The following MAP3K5 variants were observed in gnomAD, a reference collection of about 807,000 sequenced individuals.
MAP3K5 encodes mitogen-activated protein kinase kinase kinase 5.
MAP3K5 carries 56 observed loss-of-function variants against 158.7 expected under a neutral mutation model. The observed-to-expected ratio is 0.35, with a 90% CI of 0.28 to 0.44. The LOEUF (loss-of-function observed/expected upper bound fraction) is 0.44, where lower values mean the gene tolerates loss of function less well. MAP3K5 is among the 20% of genes least tolerant of loss of function. The pLI is 1.00. For missense variants in MAP3K5, 1,294 were observed against 1,674.8 expected, an observed-to-expected ratio of 0.77 and a Z score of 3.97; for synonymous variants, 579 against 601.7, an observed-to-expected ratio of 0.96 and a Z score of 0.55.
At chr6:136,608,505 G>T (rs957162636) in intron 18 of MAP3K5, among the ~76,000 whole-genome samples, 3 of 152,148 alleles carry the variant, frequency 2.0e-5, no homozygotes, top group Non-Finnish European at 2.9e-5. Context: ...GGACTGGGTT[G>T]GAGTGTGAGA....
Position 136,697,244 on chromosome 6 carries a change from A to T in MAP3K5, c.950T>A (p.Leu317Gln), listed in dbSNP as rs1236512482. 6.2e-7 allele frequency: 1 copy of T among 1,613,096 alleles called. No individual in the cohort carries two copies. The highest frequency in any genetic ancestry group is 8.5e-7 in the Non-Finnish European group (1 of 1,179,554). ...EVLTADIVIN[L>Q]LLSYRDIQDY... ...CTGGATATCTCTGTAGGAAAGTAACAGATTTATGACAATATCTGCTGTCAA... is the reference window on the plus strand; with the variant it reads ...CTGGATATCTCTGTAGGAAAGTAACTGATTTATGACAATATCTGCTGTCAA... The change falls in exon 5 of 30, where the codon CTG becomes CAG. Residue 317 changes from leucine (L) to glutamine (Q), a missense_variant. Around this residue, in one of 5 missense-constraint regions of MAP3K5, gnomAD observed 690 missense variants for 870.5 expected, o/e 0.79. Transcript: ENST00000359015.
At chr6:136,742,726 TGA>T (rs1189620692) in intron 1 of MAP3K5, among the ~76,000 whole-genome samples, 9 of 152,144 alleles carry the variant, frequency 5.9e-5, no homozygotes, top group Non-Finnish European at 1.2e-4. Flanking sequence ...AGCCACAGAC[TGA>T]GAGAATATAT....
chr6:136,579,144 T>C (rs1774751786), intron 25 of MAP3K5, among the ~76,000 whole-genome samples: 1 of 152,180 alleles, frequency 6.6e-6, no homozygotes, highest in East Asian at 1.9e-4. Flanking sequence ...TATATAAATA[T>C]ATATAAATCT....
chr6:136,793,058 G>C (rs1317293005), upstream of MAP3K5, among the ~76,000 whole-genome samples: 1 of 152,196 alleles, frequency 6.6e-6, no homozygotes, highest in African/African-American at 2.4e-5. Flanking sequence ...AAGCGATTAC[G>C]GGGTGGCGCA....
chr6:136,707,558 G>A (rs956652977), intron 2 of MAP3K5, among the ~76,000 whole-genome samples: 2 of 113,770 alleles, frequency 1.8e-5, no homozygotes, highest in Non-Finnish European at 3.5e-5. Context: ...AGAGGTACTT[G>A]GGGGGGGGGG....
At chr6:136,589,578 C>G (rs1181698102) in intron 23 of MAP3K5, among the ~76,000 whole-genome samples, 1 of 152,120 alleles carries the variant, frequency 6.6e-6, no homozygotes, top group East Asian at 1.9e-4. Flanking sequence ...TGTTGAAGCC[C>G]TAACACTCAA....
intron 1 of MAP3K5, among the ~76,000 whole-genome samples, chr6:136,746,615 G>A (rs1038486380): frequency 6.6e-6 from 1 of 152,040 alleles, no homozygotes; most frequent in African/African-American, 2.4e-5. Context: ...CCACGAGAGA[G>A]GGAGACAAAA....
chr6:136,638,162 C>T (rs897960681), intron 13 of MAP3K5, among the ~76,000 whole-genome samples: 20 of 151,760 alleles, frequency 1.3e-4, no homozygotes, highest in Admixed American at 1.2e-3. Context: ...TATTAAATAG[C>T]ACAATGAATG....
At chr6:136,594,306 T>A (rs1241529170) in intron 21 of MAP3K5, among the ~76,000 whole-genome samples, 1 of 152,142 alleles carries the variant, frequency 6.6e-6, no homozygotes, top group Admixed American at 6.5e-5. Context: ...AGTAAGGTTG[T>A]CTGAGAGAAG....
At chr6:136,725,339 A>G (rs994068951) in intron 1 of MAP3K5, among the ~76,000 whole-genome samples, 1 of 152,228 alleles carries the variant, frequency 6.6e-6, no homozygotes, top group African/African-American at 2.4e-5. Flanking sequence ...GGAGCATCTC[A>G]GCTGTCCAAC....
At chr6:136,660,457 T>C (rs977464507) in intron 8 of MAP3K5, among the ~76,000 whole-genome samples, 3 of 152,148 alleles carry the variant, frequency 2.0e-5, no homozygotes, top group Non-Finnish European at 4.4e-5. Context: ...CAGATAATAC[T>C]GTCTTGTTAT....
rs1782189326 is a variant in MAP3K5, at chr6:136,730,737, AAAAAAAG to A, written c.449-10155_449-10149del. Among the ~76,000 whole-genome samples the A allele has an allele frequency of 2.6e-5, 4 of 151,762 alleles. No individual in the cohort carries two copies. The South Asian group carries it at 6.2e-4, about 24-fold the overall frequency. On this transcript the variant is annotated intron_variant, in intron 1 of 29. Coordinates refer to ENST00000359015, the MANE Select transcript of MAP3K5 (RefSeq NM_005923.4). The stretch of plus-strand genomic sequence containing the variant: ...ACTCTGCCTCAAAAAAAAAAAAAAA[AAAAAAAG>A]AGTCACAGCAATGGGTGACCACTGA...
intron 3 of MAP3K5, among the ~76,000 whole-genome samples, chr6:136,703,315 C>T (rs533771663): frequency 2.6e-5 from 4 of 152,328 alleles, no homozygotes; most frequent in South Asian, 4.1e-4. Flanking sequence ...GCAGGATGGA[C>T]TTCTTTCTGC....
intron 7 of MAP3K5, among the ~76,000 whole-genome samples, chr6:136,685,737 C>T (rs772768900): frequency 3.9e-5 from 6 of 151,942 alleles, no homozygotes; most frequent in Non-Finnish European, 7.4e-5. Context: ...CTTATGCCAG[C>T]AACAGCATTT....
At chr6:136,557,867 A>G in intron 29 of MAP3K5, 49 bp from the exon 30 acceptor site, 1 of 1,244,222 alleles carries the variant, frequency 8.0e-7, no homozygotes, top group Non-Finnish European at 1.2e-6. Flanking sequence ...CATTTGAAAC[A>G]TTGCCCTTGA....
chr6:136,567,328 C>T (rs1774159747), intron 26 of MAP3K5, among the ~76,000 whole-genome samples: 1 of 152,148 alleles, frequency 6.6e-6, no homozygotes, highest in Admixed American at 6.5e-5. Context: ...CTGGAAGGTA[C>T]ATGCTGCTCT....
At position 136,670,952 on chromosome 6, in the gene MAP3K5, A is replaced by G. The variant is rs2114534328; in HGVS notation, c.1254-1557T>C. On this transcript the variant is annotated intron_variant, in intron 7 of 29. Coordinates refer to ENST00000359015, the MANE Select transcript of MAP3K5 (RefSeq NM_005923.4). ...AAAAAAGTATATACACCTAGACTACAGATATTCGAAACTATATCAAGGCAA... is the reference window on the plus strand; with the variant it reads ...AAAAAAGTATATACACCTAGACTACGGATATTCGAAACTATATCAAGGCAA... Among the ~76,000 whole-genome samples, 3 of 152,326 alleles carry G rather than the reference A, an allele frequency of 2.0e-5. No individual in the cohort carries two copies. In the Middle Eastern group the frequency reaches 0.01, roughly 518 times the overall value.
Position 136,738,393 on chromosome 6 carries a change from G to T in MAP3K5, c.449-17804C>A, listed in dbSNP as rs144034024. Among the ~76,000 whole-genome samples, 20 of 152,240 alleles carry T rather than the reference G, an allele frequency of 1.3e-4. No homozygotes were observed. The East Asian group carries it at 3.5e-3, about 26-fold the overall frequency. The stretch of plus-strand genomic sequence containing the variant: ...TCCAAGGGACCTGACTGTTTTAACA[G>T]AAATACCCGGCAGAGGAGGCATTTG... On this transcript the variant is annotated intron_variant, in intron 1 of 29. Transcript: ENST00000359015.
At chr6:136,662,436 A>C (rs763960876) in intron 8 of MAP3K5, among the ~76,000 whole-genome samples, 6 of 152,166 alleles carry the variant, frequency 3.9e-5, no homozygotes, top group Non-Finnish European at 8.8e-5. Flanking sequence ...TGAAGACATT[A>C]ATCTTTTAAG....
Sources: allele counts gnomAD v4.1 joint callset (sites outside exome capture counted in the v4.1 genomes callset), GRCh38; gene constraint gnomAD v4.1.1; regional missense constraint gnomAD v4.1.1; transcripts MANE v1.5; gene names NCBI Gene and HGNC (gene_info 2026-07-23, HGNC 2026-07-21).